GRM8: variants seen among roughly 807,000 people sequenced by gnomAD.
GRM8 encodes metabotropic glutamate receptor 8.
In GRM8, 47 loss-of-function variants were observed where a neutral mutation model predicts 87.2. The ratio of observed to expected loss-of-function variants is 0.54; its 90% CI spans 0.43 to 0.69. The LOEUF (loss-of-function observed/expected upper bound fraction) is 0.69. Ranked by LOEUF, GRM8 falls within the 30% of genes least tolerant of loss-of-function variation. The pLI, the probability that GRM8 is intolerant of heterozygous loss-of-function variation, is 0.00. For missense variants in GRM8, 1,019 were observed against 1,139.2 expected (o/e 0.89, Z 1.52); for synonymous variants, 396 against 404.5 (o/e 0.98, Z 0.25).
intron 8 of GRM8, among the ~76,000 whole-genome samples, chr7:126,606,448 A>C (rs1017688501): frequency 6.6e-6 from 1 of 152,192 alleles, no homozygotes; most frequent in Non-Finnish European, 1.5e-5. Context: ...TTTTCATTTT[A>C]GACATGATAA....
intron 2 of GRM8, among the ~76,000 whole-genome samples, chr7:127,151,609 T>C (rs1828863708): frequency 6.6e-6 from 1 of 152,110 alleles, no homozygotes; most frequent in Non-Finnish European, 1.5e-5. Flanking sequence ...ATTATCATTA[T>C]CGTCCTCACA....
intron 2 of GRM8, among the ~76,000 whole-genome samples, chr7:127,221,510 A>C (rs983495234): frequency 6.6e-6 from 1 of 152,180 alleles, no homozygotes; most frequent in African/African-American, 2.4e-5. Flanking sequence ...GTTGATGCAA[A>C]GATACAAAAT....
intron 3 of GRM8, among the ~76,000 whole-genome samples, chr7:126,947,766 AC>A (rs1307396918): frequency 2.6e-5 from 4 of 152,198 alleles, no homozygotes; most frequent in Admixed American, 2.0e-4. Flanking sequence ...AGTCGAAATC[AC>A]TCACTTCAAA....
chr7:126,572,373 T>C (rs1794756629), intron 8 of GRM8, among the ~76,000 whole-genome samples: 1 of 152,088 alleles, frequency 6.6e-6, no homozygotes, highest in African/African-American at 2.4e-5. Flanking sequence ...ATCTATAAAA[T>C]AATACAAAGA....
chr7:127,080,513 G>A (rs573684429), intron 3 of GRM8, among the ~76,000 whole-genome samples: 1 of 152,272 alleles, frequency 6.6e-6, no homozygotes, highest in African/African-American at 2.4e-5. Context: ...TGCCACCACT[G>A]AGAATGTATA....
chr7:126,635,780 A>T (rs1801793504), intron 7 of GRM8, among the ~76,000 whole-genome samples: 1 of 152,140 alleles, frequency 6.6e-6, no homozygotes, highest in Non-Finnish European at 1.5e-5. Flanking sequence ...CTTTGTGCTG[A>T]CTGCTACTCA....
intron 9 of GRM8, among the ~76,000 whole-genome samples, chr7:126,455,634 G>A (rs895935003): frequency 6.6e-6 from 1 of 151,706 alleles, no homozygotes; most frequent in Non-Finnish European, 1.5e-5. Context: ...TGGGCCTGAA[G>A]AGCTGGATAA....
intron 9 of GRM8, among the ~76,000 whole-genome samples, chr7:126,470,186 T>A (rs1343063970): frequency 3.3e-5 from 5 of 152,034 alleles, no homozygotes; most frequent in Non-Finnish European, 7.4e-5. Context: ...TTCTTTTTTT[T>A]ATTTTATTTT....
intron 3 of GRM8, among the ~76,000 whole-genome samples, chr7:127,083,289 CT>C (rs1026371930): frequency 6.6e-6 from 1 of 152,086 alleles, no homozygotes; most frequent in African/African-American, 2.4e-5. Flanking sequence ...CTGCCTCTTC[CT>C]TCTCCCTCAC....
chr7:126,936,450 C>T (rs1270034462), intron 3 of GRM8, among the ~76,000 whole-genome samples: 1 of 152,124 alleles, frequency 6.6e-6, no homozygotes, highest in African/African-American at 2.4e-5. Flanking sequence ...CTGACTCCCC[C>T]CACTATCCGC....
chr7:126,524,210 G>A (rs1200293755), intron 9 of GRM8, among the ~76,000 whole-genome samples: 3 of 152,072 alleles, frequency 2.0e-5, no homozygotes, highest in African/African-American at 7.2e-5. Flanking sequence ...ATATGTGATT[G>A]CCACTGCCTT....
chr7:126,687,035 A>G (rs1808263061), intron 7 of GRM8, among the ~76,000 whole-genome samples: 1 of 152,228 alleles, frequency 6.6e-6, no homozygotes, highest in Non-Finnish European at 1.5e-5. Flanking sequence ...CAATACATAC[A>G]CAGAAAACTG....
At chr7:127,196,085 A>G (rs974239964) in intron 2 of GRM8, among the ~76,000 whole-genome samples, 2 of 152,232 alleles carry the variant, frequency 1.3e-5, no homozygotes, top group African/African-American at 4.8e-5. Context: ...ATAGATAATG[A>G]GCACTTTAAT....
At chr7:126,772,024 C>T (rs762193751) in intron 6 of GRM8, among the ~76,000 whole-genome samples, 70 of 152,240 alleles carry the variant, frequency 4.6e-4, no homozygotes, top group Non-Finnish European at 9.3e-4. Flanking sequence ...CCTGTGAAAA[C>T]AACCCTTTCC....
chr7:126,905,813 A>G (rs1166579854), intron 3 of GRM8, among the ~76,000 whole-genome samples: 1 of 152,228 alleles, frequency 6.6e-6, no homozygotes, highest in African/African-American at 2.4e-5. Flanking sequence ...AGGAGTAACT[A>G]AAGTGCTTGA....
chr7:126,654,517 C>A (rs746411704), intron 7 of GRM8, among the ~76,000 whole-genome samples: 14 of 152,194 alleles, frequency 9.2e-5, no homozygotes, highest in Non-Finnish European at 2.1e-4. Context: ...GGTTCATTTT[C>A]TTCTAGCCCG....
intron 3 of GRM8, among the ~76,000 whole-genome samples, chr7:127,015,184 GAAGAAGAAGAAGAAGAAGAAGAAGA>G (rs1815469491): frequency 0.017 from 784 of 45,204 alleles, 29 homozygotes; most frequent in South Asian, 0.033. Context: ...AGGAGAAGAA[GAAGAAGAAGAAGAAGAAGAAGAAGA>G]AGAAGAAGAA....
At chr7:127,227,433 A>T (rs1004649180) in intron 2 of GRM8, among the ~76,000 whole-genome samples, 2 of 152,226 alleles carry the variant, frequency 1.3e-5, no homozygotes, top group African/African-American at 4.8e-5. Flanking sequence ...TGGAAACGAG[A>T]AGCAAATGAA....
At chr7:126,538,516 C>T (rs1042632681) in intron 8 of GRM8, among the ~76,000 whole-genome samples, 3 of 151,764 alleles carry the variant, frequency 2.0e-5, no homozygotes, top group African/African-American at 7.3e-5. Flanking sequence ...AATGTGCTTA[C>T]CATATACAGG....
Sources: gnomAD v4.1 joint callset for allele counts (sites outside exome capture counted in the v4.1 genomes callset) on GRCh38, gnomAD v4.1.1 for gene constraint, MANE v1.5 for transcripts, NCBI Gene and HGNC (gene_info 2026-07-23, HGNC 2026-07-21) for gene names.